The following LTK variants were observed in gnomAD, a reference collection of about 807,000 sequenced individuals.
LTK encodes leukocyte receptor tyrosine kinase, also known as leukocyte tyrosine kinase receptor.
In LTK, 117 loss-of-function variants were observed where a neutral mutation model predicts 101.5. The observed-to-expected ratio is 1.15, with a 90% CI of 0.99 to 1.34. The LOEUF is 1.34. Among genes scored for constraint, LTK ranks in the 40% most tolerant of loss-of-function variants. The pLI is 0.00. For missense variants in LTK, 1,252 were observed against 1,164.7 expected (o/e 1.07, Z -1.09); for synonymous variants, 563 against 494.2 (o/e 1.14, Z -1.85).
intron 3 of LTK, among the ~76,000 whole-genome samples, 186 bp from the exon 4 acceptor site, chr15:41,512,451 G>C (rs930149247): frequency 6.6e-6 from 1 of 152,222 alleles, no homozygotes; most frequent in Non-Finnish European, 1.5e-5. Context: ...ACTTATTTCA[G>C]GAGGGTTCGT....
At chr15:41,510,962 A>G (rs2051437261) in intron 7 of LTK, among the ~76,000 whole-genome samples, 1 of 152,200 alleles carries the variant, frequency 6.6e-6, no homozygotes, top group Middle Eastern at 3.2e-3. Flanking sequence ...TTAAACGGAA[A>G]TCTAGGGAGT....
chr15:41,508,437 A>G (rs2051355336), intron 8 of LTK, among the ~76,000 whole-genome samples: 1 of 86,612 alleles, frequency 1.2e-5, no homozygotes, highest in South Asian at 3.3e-4. Context: ...GCACGCCTGC[A>G]ATCCCAGCTA....
At position 41,504,004 on chromosome 15, in the gene LTK, G is replaced by A. The variant is rs761960490; in HGVS notation, c.2587C>T (p.Arg863Cys). 4.4e-6 allele frequency: 7 copies of A among 1,603,850 alleles called. No individual in the cohort carries two copies. Among genetic ancestry groups the A allele is most frequent in the South Asian group, 1.1e-5 (1 of 90,186 alleles). Residue 863 changes from arginine (R) to cysteine (C), a missense_variant, in exon 20 of 20, where the codon CGC (arginine) becomes TGC (cysteine). Transcript: ENST00000263800. Reference protein sequence around the residue: ...QPQNLWNPTYRS With the variant: ...QPQNLWNPTYCS ...TCAGGGCCCCTTGGGGCTCAGGAGC[G>A]ATAAGTGGGATTCCAAAGGTTCTGA... is the stretch of plus-strand genomic sequence containing the variant.
In LTK at chr15:41,512,262, G is replaced by T. The variant is rs1278188588; in HGVS notation, c.363C>A (p.Ile121=). The change falls in exon 4 of 20, where the codon ATC becomes ATA. Residue 121 remains isoleucine, a synonymous_variant. Coordinates refer to ENST00000263800, the MANE Select transcript of LTK (RefSeq NM_002344.6). The part of the protein sequence containing the change: ...WRVPGPGQYL[I]SAYGAAGGKG... The stretch of plus-strand genomic sequence containing the variant: ...TGCCGCCCGCGGCTCCGTAGGCTGA[G>T]ATCCTGCGGGGAACGGACGGTGAGT... 1 of 1,611,422 alleles carries T rather than the reference G, an allele frequency of 6.2e-7. No homozygotes were observed. Among genetic ancestry groups the T allele is most frequent in the East Asian group, 2.2e-5 (1 of 44,844 alleles).
Position 41,513,126 on chromosome 15 carries a change from A to G in LTK, c.44-6T>C. On this transcript the variant is annotated splice_region_variant and splice_polypyrimidine_tract_variant and intron_variant, in intron 1 of 19. Transcript: ENST00000263800. ...GCTAGAGCAGAGAATGGCGCCTGAA[A>G]GGTGTTGGGAGAAGGCGCAGGACGT... The G allele has an allele frequency of 6.3e-7, 1 of 1,591,440 alleles. No individual in the cohort carries two copies. The highest frequency in any genetic ancestry group is 8.5e-7 in the Non-Finnish European group (1 of 1,170,922).
Position 41,504,893 on chromosome 15 carries a change from G to A in LTK, c.2019-19C>T. The A allele has an allele frequency of 6.2e-7, 1 of 1,607,474 alleles. No homozygotes were observed. Among genetic ancestry groups the A allele is most frequent in the Non-Finnish European group, 8.5e-7 (1 of 1,176,548 alleles). On this transcript the variant is annotated intron_variant, in intron 16 of 19. Coordinates refer to ENST00000263800, the MANE Select transcript of LTK (RefSeq NM_002344.6). Reference sequence around the variant, plus strand: ...ACTGGCCCTACAGGAGGGAGGAGGTGAATGATGAGTTGTTCACCACCAAGG... The same window carrying A: ...ACTGGCCCTACAGGAGGGAGGAGGTAAATGATGAGTTGTTCACCACCAAGG...
Position 41,503,882 on chromosome 15 carries a change from C to T in LTK, c.*114G>A. 8.0e-7 allele frequency: 1 copy of T among 1,256,978 alleles called. No homozygotes were observed. The highest frequency in any genetic ancestry group is 1.1e-6 in the Non-Finnish European group (1 of 924,914). 77.9% of individuals were successfully genotyped at this position (1,256,978 alleles called of 1,614,324 possible). A position where few individuals can be genotyped will look rare whatever the true frequency, so the allele number is the denominator to read the frequency against. Reference sequence around the variant, plus strand: ...CAGCCCCGAGACAGGCCCAGACACACAGCACAGACTGCAGGGAACAGAGGC... The same window carrying T: ...CAGCCCCGAGACAGGCCCAGACACATAGCACAGACTGCAGGGAACAGAGGC... On this transcript the variant is annotated 3_prime_UTR_variant, in exon 20 of 20. Coordinates refer to ENST00000263800, the MANE Select transcript of LTK (RefSeq NM_002344.6).
chr15:41,505,164 A>C (rs1330647043), intron 15 of LTK, 44 bp downstream of exon 15: 1 of 1,592,616 alleles, frequency 6.3e-7, no homozygotes, highest in Non-Finnish European at 8.6e-7. Context: ...TTCCTTGGGG[A>C]GGGAGTTGGG....
Position 41,508,237 on chromosome 15 carries a change from C to T in LTK, c.1097-16G>A. 1 of 1,605,870 alleles carries T rather than the reference C, an allele frequency of 6.2e-7. No individual in the cohort carries two copies. The highest frequency in any genetic ancestry group is 8.5e-7 in the Non-Finnish European group (1 of 1,176,072). On this transcript the variant is annotated splice_polypyrimidine_tract_variant and intron_variant, in intron 8 of 19. Coordinates refer to ENST00000263800, the MANE Select transcript of LTK (RefSeq NM_002344.6). ...TTCTCGGTGACTGTGAGTAAAAGAA[C>T]TGATATGATATGGTGTGGTAGGGCT...
intron 9 of LTK, 123 bp from the exon 10 acceptor site, chr15:41,507,780 C>T (rs2051336067): frequency 8.9e-7 from 1 of 1,129,564 alleles, no homozygotes; most frequent in Non-Finnish European, 1.2e-6. Context: ...CCCCCATTAT[C>T]CTGGGCAAAA....
Position 41,504,548 on chromosome 15 carries a change from C to G in LTK, c.2213G>C (p.Gly738Ala). Reference sequence around the variant, plus strand: ...CCTAGGAGGGTCCATCCGGCCTCCTCCAACGACGAAGTCCAGCACCTCCTG... The same window carrying G: ...CCTAGGAGGGTCCATCCGGCCTCCTGCAACGACGAAGTCCAGCACCTCCTG... Reference protein sequence around the residue: ...TNQEVLDFVVGGGRMDPPRGC... With the variant: ...TNQEVLDFVVAGGRMDPPRGC... The change falls in exon 18 of 20, where the codon GGA becomes GCA. Residue 738 changes from glycine to alanine, a missense_variant. Gly to Ala is a moderately conservative substitution (Grantham distance 60). Transcript: ENST00000263800. The G allele has an allele frequency of 6.2e-7, 1 of 1,613,866 alleles. No homozygotes were observed. The highest frequency in any genetic ancestry group is 8.5e-7 in the Non-Finnish European group (1 of 1,179,974).
Position 41,512,241 on chromosome 15 carries a change from G to A in LTK, c.384C>T (p.Gly128=). 6.2e-7 allele frequency: 1 copy of A among 1,612,668 alleles called. No individual in the cohort carries two copies. Among genetic ancestry groups the A allele is most frequent in the Non-Finnish European group, 8.5e-7 (1 of 1,179,726 alleles). The change falls in exon 4 of 20, where the codon GGC becomes GGT. Residue 128 remains glycine (G), a synonymous_variant. Coordinates refer to ENST00000263800, the MANE Select transcript of LTK (RefSeq NM_002344.6). ...QYLISAYGAA[G]GKGAKNHLSR... Reference sequence around the variant, plus strand: ...ACAGGTGGTTCTTGGCGCCTTTGCCGCCCGCGGCTCCGTAGGCTGAGATCC... The same window carrying A: ...ACAGGTGGTTCTTGGCGCCTTTGCCACCCGCGGCTCCGTAGGCTGAGATCC...
At chr15:41,512,536 G>C (rs1361246346) in intron 3 of LTK, among the ~76,000 whole-genome samples, 171 bp downstream of exon 3, 1 of 152,202 alleles carries the variant, frequency 6.6e-6, no homozygotes, top group East Asian at 1.9e-4. Context: ...AAGAGGTTCC[G>C]GGTAAGGGCT....
chr15:41,509,121 C>G lies in LTK; in HGVS notation c.1006G>C (p.Ala336Pro). The change falls in exon 8 of 20, where the codon GCT becomes CCT. Residue 336 changes from alanine (A) to proline (P), a missense_variant. By Grantham distance (27) the Ala-to-Pro change is conservative. Transcript: ENST00000263800. ...GGGGGYRGGD[A>P]SETDNLWADG... is the part of the protein sequence containing the mutation. Reference sequence around the variant, plus strand: ...GCCCAGAGGTTGTCAGTCTCTGAAGCGTCGCCCCCTGGAAGTGGAGAGTGA... The same window carrying G: ...GCCCAGAGGTTGTCAGTCTCTGAAGGGTCGCCCCCTGGAAGTGGAGAGTGA... The G allele has an allele frequency of 1.2e-6, 2 of 1,610,126 alleles. No individual in the cohort carries two copies.
Position 41,511,441 on chromosome 15 carries a change from G to A in LTK, c.795C>T (p.Gly265=). The A allele has an allele frequency of 2.1e-6, 3 of 1,400,618 alleles. No individual in the cohort carries two copies. The highest frequency in any genetic ancestry group is 2.8e-6 in the Non-Finnish European group (3 of 1,084,544). 86.8% of individuals were successfully genotyped at this position (1,400,618 alleles called of 1,614,324 possible). Residue 265 remains glycine, a synonymous_variant, in exon 6 of 20, where the codon GGC becomes GGT. Transcript: ENST00000263800. This position sits in a 1 kb window ranked among gnomAD's most constrained non-coding sequence, Gnocchi z 5.9. ...CCTCACCTGCCGCCCCGCCTCTCCC[G>A]CCGCTCCCGGGCGCCTCCGAGCGGT... The part of the protein sequence containing the change: ...LENRSEAPGS[G]GRGGAAGGGG...
chr15:41,504,096 C>T lies in LTK; in HGVS notation c.2495G>A (p.Gly832Glu). ...ELSPEKLKSW[G>E]GSPLGPWLSS... is the part of the protein sequence containing the mutation. The stretch of plus-strand genomic sequence containing the variant: ...CAGCCAGGGGCCAAGAGGGCTACCT[C>T]CCCAGCTTTTCAACTTCTCTGGACT... Residue 832 changes from glycine (G) to glutamate (E), a missense_variant, in exon 20 of 20, where the codon GGA (glycine) becomes GAA (glutamate). Physicochemically the swap from Gly to Glu is moderately conservative, Grantham distance 98 (BLOSUM62 -2). Coordinates refer to ENST00000263800, the MANE Select transcript of LTK (RefSeq NM_002344.6). 6.2e-7 allele frequency: 1 copy of T among 1,614,086 alleles called. No individual in the cohort carries two copies. Among genetic ancestry groups the T allele is most frequent in the Non-Finnish European group, 8.5e-7 (1 of 1,180,020 alleles).
rs370182079 is a variant in LTK at position 41,504,804 on chromosome 15, C to A, written c.2089G>T (p.Glu697Ter). 8.1e-6 allele frequency: 13 copies of A among 1,613,034 alleles called. No individual in the cohort carries two copies. The highest frequency in any genetic ancestry group is 1.0e-5 in the Non-Finnish European group (12 of 1,179,818). ...TCTGTCTTGGATGTGAAGATGCCCT[C>A]CAGGAAGGCCTCTGGGGGCATCCAC... ...VKWMPPEAFL[E>*]GIFTSKTDSW... The change falls in exon 17 of 20, where the codon GAG becomes TAG. Residue 697 changes from glutamate (E) to a stop codon, truncating the protein, a stop_gained. Transcript: ENST00000263800. LOFTEE classifies it high-confidence loss of function.
rs2051244555 is a variant in LTK, at chr15:41,505,486, A to C, written c.1742T>G (p.Leu581Arg). 15 of 1,613,938 alleles carry C rather than the reference A, an allele frequency of 9.3e-6. No individual in the cohort carries two copies. The highest frequency in any genetic ancestry group is 1.2e-5 in the Non-Finnish European group (14 of 1,180,014). Residue 581 changes from leucine (L) to arginine (R), a missense_variant, in exon 14 of 20, where the codon CTC (leucine) becomes CGC (arginine). Physicochemically the swap from Leu to Arg is moderately radical, Grantham distance 102. Coordinates refer to ENST00000263800, the MANE Select transcript of LTK (RefSeq NM_002344.6). ...QNIVRCVGLS[L>R]RATPRLILLE... ...CAGAATGAGGCGAGGGGTGGCCCTG[A>C]GGCTGAGCCCCACACACCGCACAAT...
chr15:41,511,501 T>G lies in LTK; in HGVS notation c.735A>C (p.Arg245=). 6.8e-7 allele frequency: 1 copy of G among 1,477,326 alleles called. No individual in the cohort carries two copies. Among genetic ancestry groups the G allele is most frequent in the Non-Finnish European group, 8.9e-7 (1 of 1,124,146 alleles). 91.5% of individuals were successfully genotyped at this position (1,477,326 alleles called of 1,614,324 possible). A position where few individuals can be genotyped will look rare whatever the true frequency, so the allele number is the denominator to read the frequency against. ...TCTCGGGGGAGGCCTGAGTCCGGCC[T>G]CGGTCCCGCGGCCTCAGGTAGGCCC... The part of the protein sequence containing the change: ...GGRAYLRPRD[R]GRTQASPEKL... The change falls in exon 6 of 20, where the codon CGA becomes CGC. Residue 245 remains arginine (R), a synonymous_variant. Coordinates refer to ENST00000263800, the MANE Select transcript of LTK (RefSeq NM_002344.6). This position sits in a 1 kb window ranked among gnomAD's most constrained non-coding sequence, Gnocchi z 5.9.
Sources: allele counts gnomAD v4.1 joint callset (sites outside exome capture counted in the v4.1 genomes callset), GRCh38; gene constraint gnomAD v4.1.1; non-coding constraint Gnocchi (gnomAD v3.1); transcripts MANE v1.5; gene names NCBI Gene and HGNC (gene_info 2026-07-23, HGNC 2026-07-21).